The following PCNX1 variants were observed in gnomAD, a reference collection of about 807,000 sequenced individuals.
PCNX1 encodes pecanex-like protein 1.
A neutral mutation model predicts 242.2 loss-of-function variants in PCNX1; 78 were observed. That is an observed-to-expected ratio of 0.32 (90% CI 0.27 to 0.39). The LOEUF (loss-of-function observed/expected upper bound fraction) is 0.39. Ranked by LOEUF, PCNX1 falls within the 10% of genes least tolerant of loss-of-function variation. PCNX1 has a pLI of 1.00. For missense variants in PCNX1, 2,581 were observed against 2,856.5 expected, an observed-to-expected ratio of 0.90 and a Z score of 2.20; for synonymous variants, 1,024 against 1,032.9, an observed-to-expected ratio of 0.99 and a Z score of 0.17.
intron 33 of PCNX1, among the ~76,000 whole-genome samples, 169 bp downstream of exon 33, chr14:71,105,609 C>G (rs2062592246): frequency 6.7e-6 from 1 of 149,776 alleles, no homozygotes. Flanking sequence ...GTGTCACAGT[C>G]TCGGCTCACT....
At chr14:70,957,358 G>A (rs954656519) in intron 2 of PCNX1, among the ~76,000 whole-genome samples, 2 of 152,142 alleles carry the variant, frequency 1.3e-5, no homozygotes, top group Admixed American at 6.6e-5. Context: ...CAAAAGTGAT[G>A]TATAAAACTA....
chr14:70,961,446 G>A (rs1317979641), intron 2 of PCNX1, among the ~76,000 whole-genome samples: 1 of 152,160 alleles, frequency 6.6e-6, no homozygotes, highest in East Asian at 1.9e-4. Flanking sequence ...ATGGTGCTGG[G>A]AAAACTGGCT....
Position 70,941,022 on chromosome 14 carries a change from T to C in PCNX1, c.154-5893T>C, listed in dbSNP as rs570888590. ...ACATTGTTTATTCTAGTTAGCCATT[T>C]GTCTAATCTTTTTTCAAGGTTTTTA... On this transcript the variant is annotated intron_variant, in intron 1 of 35. Transcript: ENST00000304743. Among the ~76,000 whole-genome samples the C allele has an allele frequency of 1.1e-4, 17 of 152,282 alleles. No individual in the cohort carries two copies. The East Asian group carries it at 3.1e-3, about 28-fold the overall frequency.
intron 2 of PCNX1, among the ~76,000 whole-genome samples, chr14:70,952,555 A>G (rs1162969722): frequency 3.3e-5 from 5 of 151,954 alleles, no homozygotes; most frequent in Non-Finnish European, 5.9e-5. Context: ...TAAGAGAATC[A>G]TACAGTATGC....
intron 1 of PCNX1, among the ~76,000 whole-genome samples, chr14:70,943,208 G>T (rs1170495568): frequency 2.0e-5 from 3 of 152,228 alleles, no homozygotes; most frequent in African/African-American, 4.8e-5. Context: ...AAATGTGGAA[G>T]TGACTTTGGA....
intron 1 of PCNX1, among the ~76,000 whole-genome samples, chr14:70,926,754 G>A (rs1473423565): frequency 6.6e-6 from 1 of 150,694 alleles, no homozygotes; most frequent in East Asian, 1.9e-4. Flanking sequence ...ATGCATGTGT[G>A]AAAAAAAAAT....
At chr14:71,079,092 A>C (rs1159517877) in intron 28 of PCNX1, among the ~76,000 whole-genome samples, 1 of 152,210 alleles carries the variant, frequency 6.6e-6, no homozygotes, top group African/African-American at 2.4e-5. Context: ...GAGTGAGAAC[A>C]TCCAGTGTTT....
At chr14:70,990,638 A>G (rs781008899) in intron 7 of PCNX1, among the ~76,000 whole-genome samples, 9 of 152,126 alleles carry the variant, frequency 5.9e-5, no homozygotes, top group Non-Finnish European at 1.2e-4. Context: ...AATTCTATAA[A>G]AAGTAATATG....
chr14:71,062,958 A>C (rs1303366026), intron 26 of PCNX1, among the ~76,000 whole-genome samples: 1 of 152,228 alleles, frequency 6.6e-6, no homozygotes, highest in Non-Finnish European at 1.5e-5. Flanking sequence ...TCAGTACTAT[A>C]ACATGCTGTA....
intron 26 of PCNX1, among the ~76,000 whole-genome samples, chr14:71,061,025 A>G (rs1489395834): frequency 6.6e-6 from 1 of 152,196 alleles, no homozygotes; most frequent in Non-Finnish European, 1.5e-5. Context: ...AACTCTAGAT[A>G]AGCTGATTGT....
intron 5 of PCNX1, among the ~76,000 whole-genome samples, chr14:70,973,252 CAAAAAA>C (rs71448337): frequency 1.2e-5 from 1 of 80,424 alleles, no homozygotes; most frequent in South Asian, 4.3e-4. Flanking sequence ...CACTCTGTCT[CAAAAAA>C]AAAAAAAAAA....
At chr14:70,910,192 C>CTCG (rs2055820091) in intron 1 of PCNX1, among the ~76,000 whole-genome samples, 1 of 44,034 alleles carries the variant, frequency 2.3e-5, no homozygotes, top group Non-Finnish European at 5.1e-5. Flanking sequence ...CCTCCTCCTC[C>CTCG]TCCTCCTCCT....
intron 1 of PCNX1, among the ~76,000 whole-genome samples, chr14:70,935,859 T>C (rs2056981219): frequency 2.0e-5 from 3 of 152,222 alleles, no homozygotes; most frequent in Admixed American, 6.5e-5. Flanking sequence ...GGCTAAGTCA[T>C]TAAAATTCCT....
chr14:71,081,402 T>A (rs1455823500), intron 28 of PCNX1, among the ~76,000 whole-genome samples: 2 of 151,828 alleles, frequency 1.3e-5, no homozygotes, highest in African/African-American at 4.9e-5. Flanking sequence ...TAGGGAGGAG[T>A]CCCTCTTTTT....
intron 26 of PCNX1, among the ~76,000 whole-genome samples, chr14:71,062,682 ATAAT>A (rs1328451205): frequency 2.6e-5 from 4 of 152,026 alleles, no homozygotes; most frequent in Non-Finnish European, 4.4e-5. Flanking sequence ...ATTGGAGAAA[ATAAT>A]TAATTTCATG....
At chr14:71,059,139 G>C (rs796475527) in intron 26 of PCNX1, among the ~76,000 whole-genome samples, 5 of 152,226 alleles carry the variant, frequency 3.3e-5, no homozygotes, top group African/African-American at 1.2e-4. Flanking sequence ...AAGGGGGGGT[G>C]GTTCTTCTTA....
intron 5 of PCNX1, among the ~76,000 whole-genome samples, chr14:70,972,239 G>A (rs568419291): frequency 2.7e-4 from 41 of 151,772 alleles, no homozygotes; most frequent in African/African-American, 9.7e-4. Flanking sequence ...AGACTGAGGA[G>A]GAGCAGATTC....
chr14:70,996,944 G>A (rs770807572), intron 8 of PCNX1, among the ~76,000 whole-genome samples: 6 of 152,024 alleles, frequency 3.9e-5, no homozygotes, highest in Non-Finnish European at 7.4e-5. Context: ...TATGCATATC[G>A]ATGAAAAGTG....
At chr14:70,912,539 C>G (rs775196795) in intron 1 of PCNX1, among the ~76,000 whole-genome samples, 1 of 151,822 alleles carries the variant, frequency 6.6e-6, no homozygotes, top group Admixed American at 6.6e-5. Context: ...CTGAATTCCC[C>G]CCTAAACAAC....
Sources: allele counts gnomAD v4.1 joint callset (sites outside exome capture counted in the v4.1 genomes callset), GRCh38; gene constraint gnomAD v4.1.1; transcripts MANE v1.5; gene names NCBI Gene and HGNC (gene_info 2026-07-23, HGNC 2026-07-21).